PKD1L1: variants seen among roughly 807,000 people sequenced by gnomAD.
PKD1L1 encodes the protein polycystin 1 like 1, transient receptor potential channel interacting.
A neutral mutation model predicts 323.4 loss-of-function variants in PKD1L1; 236 were observed. That is an observed-to-expected ratio of 0.73 (90% CI 0.66 to 0.81). PKD1L1 has a LOEUF of 0.81. PKD1L1 is among the 40% of genes least tolerant of loss of function. The pLI is 0.00. For synonymous variants in PKD1L1, 1,344 were observed against 1,335.0 expected (o/e 1.01, Z -0.15); for missense variants, 3,320 against 3,508.0 (o/e 0.95, Z 1.35).
At chr7:47,883,996 A>C (rs1786623572) in intron 19 of PKD1L1, among the ~76,000 whole-genome samples, 1 of 152,176 alleles carries the variant, frequency 6.6e-6, no homozygotes, top group South Asian at 2.1e-4. Flanking sequence ...ACTGAGTGCC[A>C]ATGTGCCAGG....
intron 25 of PKD1L1, 122 bp downstream of exon 25, chr7:47,866,297 T>G (rs1583631973): frequency 9.8e-7 from 1 of 1,023,596 alleles, no homozygotes; most frequent in East Asian, 2.5e-5. Context: ...GCTGGCCCTC[T>G]TGGTCTCATT....
chr7:47,786,359 CTAAG>C (rs67461727), intron 56 of PKD1L1, among the ~76,000 whole-genome samples: 61,280 of 151,652 alleles, frequency 0.4, 12,453 homozygotes, highest in East Asian at 0.58. Flanking sequence ...CTTCCTGCTC[CTAAG>C]TAACACTGAC....
At position 47,888,075 on chromosome 7, in the gene PKD1L1, C is replaced by A. The variant is rs754342517; in HGVS notation, c.2751G>T (p.Met917Ile). The change falls in exon 17 of 57, where the codon ATG becomes ATT. Residue 917 changes from methionine (M) to isoleucine (I), a missense_variant. Met to Ile is a conservative substitution (Grantham distance 10). Coordinates refer to ENST00000289672, the MANE Select transcript of PKD1L1 (RefSeq NM_138295.5). Reference protein sequence around the residue: ...NWNDELSLQAMCEDCSEIPNL... With the variant: ...NWNDELSLQAICEDCSEIPNL... ...TCGGTATTTCACTGCAGTCCTCACACATAGCTTGAAGAGAGAGTTCGTCAT... is the reference window on the plus strand; with the variant it reads ...TCGGTATTTCACTGCAGTCCTCACAAATAGCTTGAAGAGAGAGTTCGTCAT... 6.2e-7 allele frequency: 1 copy of A among 1,614,020 alleles called. No individual in the cohort carries two copies. Among genetic ancestry groups the A allele is most frequent in the East Asian group, 2.2e-5 (1 of 44,878 alleles).
Position 47,839,401 on chromosome 7 carries a change from CG to C in PKD1L1, c.5769+44del. On this transcript the variant is annotated intron_variant, in intron 36 of 56. Coordinates refer to ENST00000289672, the MANE Select transcript of PKD1L1 (RefSeq NM_138295.5). The surrounding 1 kb of genome is among the most constrained non-coding windows in gnomAD (Gnocchi z 4.3). The stretch of plus-strand genomic sequence containing the variant: ...AGCAGAGACAGGTGCCATGCTCTGC[CG>C]GTCAGCCAGGTGCGCCACGAGAGGC... 1 of 1,511,110 alleles carries C rather than the reference CG, an allele frequency of 6.6e-7. No individual in the cohort carries two copies. The highest frequency in any genetic ancestry group is 9.0e-7 in the Non-Finnish European group (1 of 1,106,830). The allele number at this position is 1,511,110 out of a possible 1,614,324, so 93.6% of individuals were successfully genotyped here.
At chr7:47,846,001 T>G (rs912727730) in intron 32 of PKD1L1, among the ~76,000 whole-genome samples, 2 of 152,218 alleles carry the variant, frequency 1.3e-5, no homozygotes, top group Non-Finnish European at 2.9e-5. Flanking sequence ...AGCAAAATAT[T>G]GGGCCATTAC....
chr7:47,797,803 T>C (rs1019057673), intron 54 of PKD1L1, among the ~76,000 whole-genome samples: 9 of 152,186 alleles, frequency 5.9e-5, no homozygotes, highest in African/African-American at 2.2e-4. Flanking sequence ...TTTCCTGGTC[T>C]CCCTAGGAAG....
At chr7:47,919,870 T>C (rs527770893) in intron 7 of PKD1L1, among the ~76,000 whole-genome samples, 1 of 152,166 alleles carries the variant, frequency 6.6e-6, no homozygotes, top group Non-Finnish European at 1.5e-5. Context: ...CATACCTCAA[T>C]ATAATAAAAG....
chr7:47,824,733 C>CTTT (rs2128733478), intron 45 of PKD1L1, among the ~76,000 whole-genome samples: 1 of 152,324 alleles, frequency 6.6e-6, no homozygotes, highest in Admixed American at 6.5e-5. Flanking sequence ...TTTCCTCTAC[C>CTTT]TGGCTTCCCT....
At chr7:47,896,432 G>T (rs113598493) in intron 14 of PKD1L1, among the ~76,000 whole-genome samples, 3,746 of 151,930 alleles carry the variant, frequency 0.025, 148 homozygotes, top group African/African-American at 0.085. Context: ...CTGTGAAAGG[G>T]AGGGGGCGTA....
At chr7:47,818,622 G>T (rs151043462) in intron 46 of PKD1L1, among the ~76,000 whole-genome samples, 26 of 152,164 alleles carry the variant, frequency 1.7e-4, no homozygotes, top group Non-Finnish European at 3.5e-4. Context: ...CACCCAAAGT[G>T]CAGGTAGTGA....
intron 27 of PKD1L1, among the ~76,000 whole-genome samples, chr7:47,858,202 T>C (rs192592810): frequency 1.5e-3 from 222 of 152,230 alleles, no homozygotes; most frequent in South Asian, 4.8e-3. Flanking sequence ...GGCCATTTCA[T>C]AAAGTAAAAA....
intron 4 of PKD1L1, among the ~76,000 whole-genome samples, chr7:47,933,333 G>T (rs953080152): frequency 1.3e-5 from 2 of 152,130 alleles, no homozygotes; most frequent in African/African-American, 4.8e-5. Flanking sequence ...AACAACTTCT[G>T]TAATTGCCCC....
chr7:47,838,484 C>G (rs930457614), intron 36 of PKD1L1, among the ~76,000 whole-genome samples: 2 of 152,222 alleles, frequency 1.3e-5, no homozygotes, highest in African/African-American at 4.8e-5. Context: ...AAATGCCCAA[C>G]AGGTCTTCAG....
intron 1 of PKD1L1, among the ~76,000 whole-genome samples, chr7:47,947,140 T>C (rs1788113398): frequency 6.6e-6 from 1 of 152,162 alleles, no homozygotes; most frequent in African/African-American, 2.4e-5. Flanking sequence ...GTGAGTGACA[T>C]AAGGCAAAGA....
intron 33 of PKD1L1, among the ~76,000 whole-genome samples, chr7:47,844,287 C>A (rs1039546215): frequency 6.6e-6 from 1 of 152,072 alleles, no homozygotes; most frequent in South Asian, 2.1e-4. Context: ...TAAAGTAATA[C>A]GATTGATGAA....
chr7:47,866,291 G>T, intron 25 of PKD1L1, 128 bp downstream of exon 25: 1 of 890,886 alleles, frequency 1.1e-6, no homozygotes, highest in Non-Finnish European at 1.7e-6. Context: ...GAGCTGGCTG[G>T]CCCTCTTGGT....
At chr7:47,925,804 T>C (rs779892592) in intron 7 of PKD1L1, among the ~76,000 whole-genome samples, 5 of 152,158 alleles carry the variant, frequency 3.3e-5, no homozygotes, top group Non-Finnish European at 4.4e-5. Flanking sequence ...CACTTTGAAA[T>C]TGTCCTACGA....
At chr7:47,838,685 C>G (rs1448745888) in intron 36 of PKD1L1, among the ~76,000 whole-genome samples, 2 of 152,026 alleles carry the variant, frequency 1.3e-5, no homozygotes, top group African/African-American at 4.8e-5. Flanking sequence ...CAAGACCAAT[C>G]TGGCCAACAT....
upstream of PKD1L1, among the ~76,000 whole-genome samples, chr7:47,952,254 C>G (rs1217023930): frequency 6.6e-6 from 1 of 152,198 alleles, no homozygotes; most frequent in African/African-American, 2.4e-5. Flanking sequence ...ATCCTTTGAG[C>G]TGGTTCCCAG....
Sources: gnomAD v4.1 joint callset for allele counts (sites outside exome capture counted in the v4.1 genomes callset) on GRCh38, gnomAD v4.1.1 for gene constraint, Gnocchi (gnomAD v3.1) non-coding constraint, MANE v1.5 for transcripts, NCBI Gene and HGNC (gene_info 2026-07-23, HGNC 2026-07-21) for gene names.